CAMK1D: variants seen among roughly 807,000 people sequenced by gnomAD.
The protein encoded by CAMK1D is calcium/calmodulin dependent protein kinase ID.
Under a neutral mutation model 47.7 loss-of-function variants are expected in CAMK1D, and 9 were observed. That is an observed-to-expected ratio of 0.19 (90% CI 0.11 to 0.33). CAMK1D has a LOEUF of 0.33. Among genes scored for constraint, CAMK1D ranks in the 10% least tolerant of loss-of-function variants. The pLI is 1.00. For synonymous variants in CAMK1D, 184 were observed against 184.9 expected, an observed-to-expected ratio of 0.99 and a Z score of 0.04; for missense variants, 291 against 488.7, an observed-to-expected ratio of 0.60 and a Z score of 3.81.
At chr10:12,616,642 C>G (rs1022039217) in intron 2 of CAMK1D, among the ~76,000 whole-genome samples, 3 of 149,712 alleles carry the variant, frequency 2.0e-5, no homozygotes, top group Admixed American at 2.0e-4. Flanking sequence ...CTCAGCCTCC[C>G]GAGTAGCTGG....
intron 1 of CAMK1D, among the ~76,000 whole-genome samples, chr10:12,480,313 C>T (rs994985893): frequency 6.6e-6 from 1 of 152,026 alleles, no homozygotes; most frequent in Non-Finnish European, 1.5e-5. Context: ...CGCACGCCTG[C>T]AATCTCAGCT....
chr10:12,481,394 A>G (rs1471192551), intron 1 of CAMK1D, among the ~76,000 whole-genome samples: 1 of 152,106 alleles, frequency 6.6e-6, no homozygotes, highest in Non-Finnish European at 1.5e-5. Flanking sequence ...AATCAGCAGC[A>G]CCCATTCCCT....
chr10:12,619,139 G>T (rs1335511003), intron 2 of CAMK1D, among the ~76,000 whole-genome samples: 1 of 152,208 alleles, frequency 6.6e-6, no homozygotes, highest in African/African-American at 2.4e-5. Flanking sequence ...ATGCATTTGA[G>T]TGCTGTCTGC....
intron 10 of CAMK1D, 104 bp from the exon 11 acceptor site, chr10:12,828,665 C>CCG (rs1328742700): frequency 9.7e-6 from 8 of 827,304 alleles, no homozygotes; most frequent in East Asian, 9.0e-5. Flanking sequence ...ATTGGGCCCC[C>CCG]CCGCCCCCCA....
At chr10:12,695,500 A>G (rs1241859423) in intron 3 of CAMK1D, among the ~76,000 whole-genome samples, 2 of 152,194 alleles carry the variant, frequency 1.3e-5, no homozygotes, top group Non-Finnish European at 2.9e-5. Flanking sequence ...TAGCCACCGC[A>G]TTAGAACAAG....
intron 1 of CAMK1D, among the ~76,000 whole-genome samples, chr10:12,362,939 C>T (rs1410352175): frequency 4.3e-5 from 6 of 141,152 alleles, no homozygotes; most frequent in African/African-American, 1.0e-4. Flanking sequence ...CCACCCCGCC[C>T]GGCCTTTTTT....
chr10:12,668,675 G>A (rs771515608), intron 3 of CAMK1D, among the ~76,000 whole-genome samples: 1 of 152,174 alleles, frequency 6.6e-6, no homozygotes, highest in Non-Finnish European at 1.5e-5. Flanking sequence ...TGCCTCTACA[G>A]ATGGTCTTTA....
chr10:12,693,983 A>ATATACATATAATATATATAATATATAT (rs1564497659), intron 3 of CAMK1D, among the ~76,000 whole-genome samples: 17 of 3,698 alleles, frequency 4.6e-3, no homozygotes, highest in Non-Finnish European at 6.7e-3. Flanking sequence ...AATATATATT[A>ATATACATATAATATATATAATATATAT]TATATACATA....
intron 5 of CAMK1D, among the ~76,000 whole-genome samples, chr10:12,788,147 A>G (rs1837816155): frequency 6.6e-6 from 1 of 152,128 alleles, no homozygotes; most frequent in Non-Finnish European, 1.5e-5. Context: ...CCCCCATAAC[A>G]ACCATGCTGT....
chr10:12,363,665 GTTT>G (rs1165886868), intron 1 of CAMK1D, among the ~76,000 whole-genome samples: 22 of 117,080 alleles, frequency 1.9e-4, no homozygotes, highest in Middle Eastern at 5.1e-3. Context: ...GTTTCCTAAG[GTTT>G]TTTTTTTTTT....
At chr10:12,448,838 G>T (rs528808780) in intron 1 of CAMK1D, among the ~76,000 whole-genome samples, 8 of 152,268 alleles carry the variant, frequency 5.3e-5, no homozygotes, top group Non-Finnish European at 1.0e-4. Flanking sequence ...GATCACAGGG[G>T]CACGTACGGC....
chr10:12,541,885 T>TCCTTCCTTCCTTCCTTCCTTC lies in CAMK1D; in HGVS notation c.93-11336_93-11335insCCTTCCTTCCTTCCTTCCCTT, dbSNP rs141080777. Reference sequence around the variant, plus strand: ...TTCCTTCCTTCCTTCCTTCCTTCCTTCCTTTTTTTTTTTCAGGTCTCTCTT... The same window carrying TCCTTCCTTCCTTCCTTCCTTC: ...TTCCTTCCTTCCTTCCTTCCTTCCTTCCTTCCTTCCTTCCTTCCTTCCCTTTTTTTTTTTCAGGTCTCTCTT... On this transcript the variant is annotated intron_variant, in intron 1 of 10. Transcript: ENST00000619168. 8.8e-4 allele frequency among the ~76,000 whole-genome samples: 126 copies of TCCTTCCTTCCTTCCTTCCTTC among 142,816 alleles called. 4 individuals carry two copies. The East Asian group carries it at 0.013, about 15-fold the overall frequency. 93.7% of individuals were successfully genotyped at this position (142,816 alleles called of 152,430 possible).
At chr10:12,456,445 T>C (rs1044922169) in intron 1 of CAMK1D, 18 of 152,146 alleles carry the variant, frequency 1.2e-4, no homozygotes, top group African/African-American at 3.6e-4. Flanking sequence ...AGACCACCAG[T>C]GGGGGATGCC....
chr10:12,373,265 A>C (rs1838057167), intron 1 of CAMK1D, among the ~76,000 whole-genome samples: 1 of 151,422 alleles, frequency 6.6e-6, no homozygotes, highest in African/African-American at 2.4e-5. Context: ...GTGAGCCGTG[A>C]TCACGCCATG....
At chr10:12,484,377 CT>C (rs1274989658) in intron 1 of CAMK1D, among the ~76,000 whole-genome samples, 2 of 152,184 alleles carry the variant, frequency 1.3e-5, no homozygotes, top group African/African-American at 4.8e-5. Context: ...ACAGGAGATC[CT>C]GGGCTAAAAC....
intron 2 of CAMK1D, among the ~76,000 whole-genome samples, chr10:12,638,998 G>A (rs1839592084): frequency 1.3e-5 from 2 of 152,174 alleles, no homozygotes; most frequent in South Asian, 4.1e-4. Context: ...TCGTGAGGGC[G>A]GGAACCTCAT....
At chr10:12,588,169 C>G (rs1034919952) in intron 2 of CAMK1D, among the ~76,000 whole-genome samples, 2 of 151,974 alleles carry the variant, frequency 1.3e-5, no homozygotes, top group East Asian at 1.9e-4. Flanking sequence ...GCTCTTTGTC[C>G]CTTTGTCCCA....
chr10:12,363,457 G>C (rs2131844727), intron 1 of CAMK1D, among the ~76,000 whole-genome samples: 1 of 151,724 alleles, frequency 6.6e-6, no homozygotes, highest in Non-Finnish European at 1.5e-5. Flanking sequence ...GTTTCACCAC[G>C]TTGGCCAGGC....
chr10:12,816,245 A>T lies in CAMK1D; in HGVS notation c.755-5A>T. The T allele has an allele frequency of 6.2e-7, 1 of 1,613,098 alleles. No homozygotes were observed. Among genetic ancestry groups the T allele is most frequent in the Non-Finnish European group, 8.5e-7 (1 of 1,179,476 alleles). On this transcript the variant is annotated splice_region_variant and splice_polypyrimidine_tract_variant and intron_variant, in intron 7 of 10. Coordinates refer to ENST00000619168, the MANE Select transcript of CAMK1D (RefSeq NM_153498.4). ...TTCCTTCCCTTGTGCCTTCTTTTTGAACAGCAAAAGACTTCATTCGGAACC... is the reference window on the plus strand; with the variant it reads ...TTCCTTCCCTTGTGCCTTCTTTTTGTACAGCAAAAGACTTCATTCGGAACC...
Sources: gnomAD v4.1 joint callset for allele counts (sites outside exome capture counted in the v4.1 genomes callset) on GRCh38, gnomAD v4.1.1 for gene constraint, MANE v1.5 for transcripts, NCBI Gene and HGNC (gene_info 2026-07-23, HGNC 2026-07-21) for gene names.